EEPD1: variants seen among roughly 807,000 people sequenced by gnomAD.
The protein encoded by EEPD1 is endonuclease/exonuclease/phosphatase family domain-containing protein 1.
Under a neutral mutation model 46.3 loss-of-function variants are expected in EEPD1, and 17 were observed. The ratio of observed to expected loss-of-function variants is 0.37; its 90% CI spans 0.25 to 0.55. The LOEUF (loss-of-function observed/expected upper bound fraction) is 0.55. Ranked by LOEUF, EEPD1 falls within the 20% of genes least tolerant of loss-of-function variation. The pLI is 0.83. For synonymous variants in EEPD1, 313 were observed against 315.6 expected (o/e 0.99, Z 0.09); for missense variants, 673 against 745.6 (o/e 0.90, Z 1.13).
At chr7:36,167,863 C>T (rs1020323058) in intron 2 of EEPD1, among the ~76,000 whole-genome samples, 22 of 152,008 alleles carry the variant, frequency 1.4e-4, no homozygotes, top group African/African-American at 3.6e-4. Flanking sequence ...TACAGGCACG[C>T]GCCACCACGC....
chr7:36,297,578 G>A (rs936149075), intron 7 of EEPD1, among the ~76,000 whole-genome samples: 1 of 152,204 alleles, frequency 6.6e-6, no homozygotes, highest in Non-Finnish European at 1.5e-5. Context: ...GCAGAGTCCT[G>A]ATTCAGAGAT....
intron 2 of EEPD1, among the ~76,000 whole-genome samples, chr7:36,196,450 C>T (rs1296464453): frequency 1.3e-5 from 2 of 152,130 alleles, no homozygotes; most frequent in African/African-American, 2.4e-5. Flanking sequence ...CATGGTCTCC[C>T]TCTCATGCCG....
intron 7 of EEPD1, 124 bp downstream of exon 7, chr7:36,297,311 A>G (rs1787543125): frequency 2.8e-6 from 3 of 1,069,788 alleles, no homozygotes; most frequent in African/African-American, 1.6e-5. Flanking sequence ...ACGTGACTGT[A>G]TAACTGTCAT....
At chr7:36,196,875 C>T (rs1785606268) in intron 2 of EEPD1, among the ~76,000 whole-genome samples, 1 of 149,512 alleles carries the variant, frequency 6.7e-6, no homozygotes, top group African/African-American at 2.5e-5. Flanking sequence ...GGCCGCCCAT[C>T]GTCTGGGATG....
chr7:36,282,580 C>T (rs1158788585), intron 4 of EEPD1, among the ~76,000 whole-genome samples: 1 of 152,254 alleles, frequency 6.6e-6, no homozygotes, highest in African/African-American at 2.4e-5. Context: ...TCCACCAAAA[C>T]CTCTCGGCCT....
intron 4 of EEPD1, among the ~76,000 whole-genome samples, chr7:36,283,718 T>A (rs2115875524): frequency 1.3e-5 from 2 of 152,268 alleles, no homozygotes; most frequent in Non-Finnish European, 2.9e-5. Context: ...CCTCCCTCCC[T>A]CCTCCTAAAA....
chr7:36,197,512 G>T (rs897251360), intron 2 of EEPD1, among the ~76,000 whole-genome samples: 4 of 152,218 alleles, frequency 2.6e-5, no homozygotes, highest in Non-Finnish European at 5.9e-5. Context: ...TTGGATGGTT[G>T]CCGTGTCTGT....
chr7:36,204,895 A>T (rs1209211599), intron 2 of EEPD1, among the ~76,000 whole-genome samples: 6 of 152,176 alleles, frequency 3.9e-5, no homozygotes, highest in Non-Finnish European at 5.9e-5. Flanking sequence ...CCTGGGCTTG[A>T]TACTGAGATG....
chr7:36,259,817 A>G (rs969224082), intron 3 of EEPD1, among the ~76,000 whole-genome samples: 1 of 152,206 alleles, frequency 6.6e-6, no homozygotes, highest in African/African-American at 2.4e-5. Context: ...TGCCGGGCCT[A>G]TTATCTTATA....
chr7:36,299,550 T>G lies in EEPD1; in HGVS notation c.*344T>G. Reference sequence around the variant, plus strand: ...TGAGCAGAGGGAGGAGAAGAAGGGGTGCTCAGGCTGCGGGCCACAGTCCAG... The same window carrying G: ...TGAGCAGAGGGAGGAGAAGAAGGGGGGCTCAGGCTGCGGGCCACAGTCCAG... On this transcript the variant is annotated 3_prime_UTR_variant, in exon 8 of 8. Coordinates refer to ENST00000242108, the MANE Select transcript of EEPD1 (RefSeq NM_030636.3). 6.4e-6 allele frequency: 2 copies of G among 312,192 alleles called. No homozygotes were observed. Among genetic ancestry groups the G allele is most frequent in the Non-Finnish European group, 1.2e-5 (2 of 165,550 alleles). The allele number at this position is 312,192 out of a possible 1,614,324, so 19.3% of individuals were successfully genotyped here.
intron 3 of EEPD1, among the ~76,000 whole-genome samples, chr7:36,277,469 T>G (rs1787199345): frequency 6.6e-6 from 1 of 152,174 alleles, no homozygotes; most frequent in African/African-American, 2.4e-5. Context: ...ACTGGGGTCT[T>G]GAGAAAATGA....
chr7:36,167,637 CA>C (rs140102096), intron 2 of EEPD1, among the ~76,000 whole-genome samples: 25,843 of 152,020 alleles, frequency 0.17, 2,277 homozygotes, highest in Middle Eastern at 0.24. Flanking sequence ...AATGTTGATG[CA>C]TAAGTTTGCC....
intron 2 of EEPD1, among the ~76,000 whole-genome samples, chr7:36,172,117 T>C (rs938019209): frequency 1.3e-5 from 2 of 152,354 alleles, no homozygotes; most frequent in African/African-American, 2.4e-5. Flanking sequence ...TGTGGTGTTA[T>C]GATATACACT....
At chr7:36,204,170 G>A (rs1785770306) in intron 2 of EEPD1, among the ~76,000 whole-genome samples, 1 of 151,256 alleles carries the variant, frequency 6.6e-6, no homozygotes, top group African/African-American at 2.4e-5. Flanking sequence ...GAGTAACTGG[G>A]ACTACAGGCA....
intron 2 of EEPD1, among the ~76,000 whole-genome samples, chr7:36,204,419 T>TGAG (rs34611930): frequency 6.6e-6 from 1 of 152,050 alleles, no homozygotes; most frequent in Non-Finnish European, 1.5e-5. Flanking sequence ...GCAATGATGA[T>TGAG]GAGGAGGAGG....
chr7:36,195,995 A>G (rs1425577955), intron 2 of EEPD1, among the ~76,000 whole-genome samples: 1 of 152,190 alleles, frequency 6.6e-6, no homozygotes, highest in Non-Finnish European at 1.5e-5. Flanking sequence ...CACCTAGACT[A>G]TATATGGTAT....
intron 2 of EEPD1, among the ~76,000 whole-genome samples, chr7:36,168,097 G>A (rs1449428654): frequency 1.4e-4 from 22 of 152,172 alleles, no homozygotes; most frequent in Non-Finnish European, 8.8e-5. Context: ...TGTTGTAATT[G>A]TGTGTTGGTG....
intron 3 of EEPD1, among the ~76,000 whole-genome samples, chr7:36,252,515 A>C (rs11765765): frequency 6.6e-6 from 1 of 152,088 alleles, no homozygotes; most frequent in African/African-American, 2.4e-5. Context: ...TATCTCCTTG[A>C]GATGCCCTCT....
intron 2 of EEPD1, among the ~76,000 whole-genome samples, chr7:36,205,639 G>T: frequency 6.6e-6 from 1 of 152,222 alleles, no homozygotes; most frequent in Non-Finnish European, 1.5e-5. Context: ...AAACTGAGCA[G>T]GTTAAAAGCA....
Sources: gnomAD v4.1 joint callset for allele counts (sites outside exome capture counted in the v4.1 genomes callset) on GRCh38, gnomAD v4.1.1 for gene constraint, MANE v1.5 for transcripts, NCBI Gene and HGNC (gene_info 2026-07-23, HGNC 2026-07-21) for gene names.